Variants in EPB41L4A observed in about 807,000 individuals in gnomAD.
EPB41L4A encodes the protein erythrocyte membrane protein band 4.1 like 4A.
A neutral mutation model predicts 108.6 loss-of-function variants in EPB41L4A; 100 were observed. The observed-to-expected ratio is 0.92, with a 90% CI of 0.78 to 1.09. The LOEUF (loss-of-function observed/expected upper bound fraction) is 1.09, where lower values mean the gene tolerates loss of function less well. EPB41L4A is among the 50% of genes least tolerant of loss of function. The pLI is 0.00. For synonymous variants in EPB41L4A, 319 were observed against 289.0 expected, an observed-to-expected ratio of 1.10 and a Z score of -1.05; for missense variants, 1,030 against 842.7, an observed-to-expected ratio of 1.22 and a Z score of -2.75.
rs1416440396 is a variant in EPB41L4A at position 112,334,754 on chromosome 5, C to T, written c.100-27264G>A. ...CAAGCTGTAACCCAACCACCTTGGG[C>T]GCATGTTCTCAGGACCTCCTGAGGC... On this transcript the variant is annotated intron_variant, in intron 1 of 22. Coordinates refer to ENST00000261486, the MANE Select transcript of EPB41L4A (RefSeq NM_022140.5). 3.9e-5 allele frequency among the ~76,000 whole-genome samples: 6 copies of T among 152,234 alleles called. No homozygotes were observed. In the East Asian group the frequency reaches 9.7e-4, roughly 24 times the overall value.
chr5:112,392,515 G>C (rs1477034046), intron 1 of EPB41L4A, among the ~76,000 whole-genome samples: 3 of 151,836 alleles, frequency 2.0e-5, no homozygotes, highest in Non-Finnish European at 4.4e-5. Context: ...AATGGTAAAG[G>C]GATCAATTCA....
chr5:112,167,555 C>G (rs1300236624), intron 22 of EPB41L4A, among the ~76,000 whole-genome samples: 2 of 152,112 alleles, frequency 1.3e-5, no homozygotes, highest in Non-Finnish European at 2.9e-5. Flanking sequence ...AGAAATCCCC[C>G]TTCCCAGAAC....
intron 1 of EPB41L4A, among the ~76,000 whole-genome samples, chr5:112,355,887 C>T (rs1758331733): frequency 1.3e-5 from 2 of 152,172 alleles, no homozygotes; most frequent in Non-Finnish European, 2.9e-5. Context: ...ATGCCTCTAT[C>T]AGTCAAAGTA....
At chr5:112,158,266 A>G (rs1759718621), downstream of EPB41L4A, 1 of 162,148 alleles carries the variant, frequency 6.2e-6, no homozygotes, top group African/African-American at 2.4e-5. Context: ...GGGTAGGGGT[A>G]AAAGAGAGGA....
chr5:112,338,097 T>A (rs1757042905), intron 1 of EPB41L4A, among the ~76,000 whole-genome samples: 1 of 152,142 alleles, frequency 6.6e-6, no homozygotes, highest in South Asian at 2.1e-4. Context: ...ATGCCATGTG[T>A]CACCTTTTCT....
intron 1 of EPB41L4A, among the ~76,000 whole-genome samples, chr5:112,339,502 A>ATAGATATCTATATATATATATCTATC (rs1561585272): frequency 2.8e-4 from 29 of 102,452 alleles, no homozygotes; most frequent in Middle Eastern, 4.6e-3. Context: ...ATATCTATAT[A>ATAGATATCTATATATATATATCTATC]TATATATAGA....
chr5:112,321,449 A>G (rs1755771373), intron 1 of EPB41L4A, among the ~76,000 whole-genome samples: 1 of 152,212 alleles, frequency 6.6e-6, no homozygotes, highest in African/African-American at 2.4e-5. Flanking sequence ...AGGGCACACA[A>G]ATCTGCAACT....
chr5:112,379,763 T>C (rs1318522270), intron 1 of EPB41L4A, among the ~76,000 whole-genome samples: 1 of 152,182 alleles, frequency 6.6e-6, no homozygotes, highest in Non-Finnish European at 1.5e-5. Flanking sequence ...GAAGGCACAA[T>C]ACATTCCCTA....
At chr5:112,351,539 T>C (rs775039506) in intron 1 of EPB41L4A, among the ~76,000 whole-genome samples, 1 of 152,162 alleles carries the variant, frequency 6.6e-6, no homozygotes, top group Admixed American at 6.5e-5. Context: ...AATAAGCTTA[T>C]GAAGAACAAC....
At position 112,376,843 on chromosome 5, in the gene EPB41L4A, G is replaced by A. The variant is rs182065834; in HGVS notation, c.99+42098C>T. Reference sequence around the variant, plus strand: ...TTCTTGAAATAAAATTATAGAAACAGAGAATAGATTCTTGGTTGCCAGAGT... The same window carrying A: ...TTCTTGAAATAAAATTATAGAAACAAAGAATAGATTCTTGGTTGCCAGAGT... On this transcript the variant is annotated intron_variant, in intron 1 of 22. Coordinates refer to ENST00000261486, the MANE Select transcript of EPB41L4A (RefSeq NM_022140.5). Among the ~76,000 whole-genome samples the A allele has an allele frequency of 9.1e-5, 13 of 142,258 alleles. No individual in the cohort carries two copies. The East Asian group carries it at 2.5e-3, about 27-fold the overall frequency. The allele number at this position is 142,258 out of a possible 152,430, so 93.3% of individuals were successfully genotyped here.
chr5:112,200,412 G>C (rs1762163382), intron 15 of EPB41L4A, among the ~76,000 whole-genome samples: 1 of 152,118 alleles, frequency 6.6e-6, no homozygotes, highest in African/African-American at 2.4e-5. Context: ...ATGCATGCTA[G>C]GTTTCAATAA....
chr5:112,320,272 G>A (rs821749), intron 1 of EPB41L4A, among the ~76,000 whole-genome samples: 29,713 of 152,020 alleles, frequency 0.2, 3,976 homozygotes, highest in African/African-American at 0.38. Flanking sequence ...GAGAAAAGAG[G>A]AAGGAGAAGG....
chr5:112,230,893 G>A (rs759058238), intron 12 of EPB41L4A, among the ~76,000 whole-genome samples: 46 of 152,188 alleles, frequency 3.0e-4, no homozygotes, highest in Non-Finnish European at 2.8e-4. Context: ...ACTGCACTCC[G>A]GCCTGGGTGG....
intron 12 of EPB41L4A, among the ~76,000 whole-genome samples, chr5:112,230,012 G>T (rs1748765884): frequency 1.4e-5 from 2 of 147,186 alleles, no homozygotes; most frequent in Non-Finnish European, 3.1e-5. Context: ...AAAGAATAAT[G>T]GTCTCCAACC....
At chr5:112,273,684 G>A (rs573569922) in intron 4 of EPB41L4A, among the ~76,000 whole-genome samples, 1 of 152,254 alleles carries the variant, frequency 6.6e-6, no homozygotes, top group South Asian at 2.1e-4. Context: ...GGACACTTAG[G>A]CACAGGCAGA....
At chr5:112,347,862 C>T (rs1757787322) in intron 1 of EPB41L4A, among the ~76,000 whole-genome samples, 1 of 152,172 alleles carries the variant, frequency 6.6e-6, no homozygotes. Flanking sequence ...CCACAGGGGC[C>T]CTGTCTCGAC....
At chr5:112,313,533 G>C (rs1755182844) in intron 1 of EPB41L4A, among the ~76,000 whole-genome samples, 1 of 152,202 alleles carries the variant, frequency 6.6e-6, no homozygotes, top group Non-Finnish European at 1.5e-5. Flanking sequence ...GGAGGCTGCA[G>C]TAAGCCGAGA....
At chr5:112,413,721 T>C (rs968042067) in intron 1 of EPB41L4A, among the ~76,000 whole-genome samples, 6 of 152,216 alleles carry the variant, frequency 3.9e-5, no homozygotes, top group Non-Finnish European at 7.3e-5. Context: ...GATAAGTATG[T>C]GTTTATGGAG....
At chr5:112,369,149 C>A (rs1217588005) in intron 1 of EPB41L4A, among the ~76,000 whole-genome samples, 1 of 152,218 alleles carries the variant, frequency 6.6e-6, no homozygotes, top group Admixed American at 6.5e-5. Flanking sequence ...AACCTGAAGT[C>A]ATCCTTAACT....
Sources: allele counts gnomAD v4.1 joint callset (sites outside exome capture counted in the v4.1 genomes callset), GRCh38; gene constraint gnomAD v4.1.1; transcripts MANE v1.5; gene names NCBI Gene and HGNC (gene_info 2026-07-23, HGNC 2026-07-21).